GPC6: variants seen among roughly 807,000 people sequenced by gnomAD.
GPC6 encodes the protein glypican 6.
In GPC6, 14 loss-of-function variants were observed where a neutral mutation model predicts 55.2. The observed-to-expected ratio is 0.25, with a 90% CI of 0.17 to 0.40. The LOEUF (loss-of-function observed/expected upper bound fraction) is 0.40, where lower values mean the gene tolerates loss of function less well. GPC6 is among the 10% of genes least tolerant of loss of function. The probability of loss-of-function intolerance (pLI) is 1.00; values close to 1 mark genes in which losing one functional copy is unlikely to be tolerated. For missense variants in GPC6, 641 were observed against 708.5 expected (o/e 0.90, Z 1.08); for synonymous variants, 278 against 259.6 (o/e 1.07, Z -0.68).
At chr13:93,496,654 T>C (rs1347385320) in intron 1 of GPC6, among the ~76,000 whole-genome samples, 1 of 152,198 alleles carries the variant, frequency 6.6e-6, no homozygotes, top group African/African-American at 2.4e-5. Context: ...GAGGAGCATA[T>C]AGACTTTGGA....
chr13:93,262,110 A>G (rs1041561144), intron 1 of GPC6, among the ~76,000 whole-genome samples: 2 of 152,158 alleles, frequency 1.3e-5, no homozygotes, highest in African/African-American at 4.8e-5. Flanking sequence ...AGCTTTTCAC[A>G]CTTTTGGACA....
At chr13:94,357,881 C>T (rs769626610) in intron 6 of GPC6, among the ~76,000 whole-genome samples, 4 of 151,862 alleles carry the variant, frequency 2.6e-5, no homozygotes, top group Non-Finnish European at 5.9e-5. Flanking sequence ...GAAGAGAAAG[C>T]TCCTTGAAAG....
At chr13:94,382,813 G>A (rs918216858) in intron 7 of GPC6, among the ~76,000 whole-genome samples, 3 of 152,194 alleles carry the variant, frequency 2.0e-5, no homozygotes, top group African/African-American at 7.2e-5. Context: ...CAGATGCCAG[G>A]TTTCAGATAC....
At chr13:94,211,425 C>T (rs1890076097) in intron 4 of GPC6, among the ~76,000 whole-genome samples, 1 of 152,114 alleles carries the variant, frequency 6.6e-6, no homozygotes, top group African/African-American at 2.4e-5. Context: ...AAGAAAAATG[C>T]ATTTACCTTT....
chr13:93,515,457 C>T (rs1171236324), intron 1 of GPC6, among the ~76,000 whole-genome samples: 2 of 152,144 alleles, frequency 1.3e-5, no homozygotes, highest in Non-Finnish European at 2.9e-5. Flanking sequence ...GATGTCTATT[C>T]AGCAATTTCT....
chr13:93,666,439 C>A (rs1408720084), intron 2 of GPC6, among the ~76,000 whole-genome samples: 4 of 152,056 alleles, frequency 2.6e-5, no homozygotes, highest in Non-Finnish European at 5.9e-5. Context: ...GCAGTCCTGT[C>A]TGAACATCCA....
chr13:93,228,999 A>G (rs1875917934), intron 1 of GPC6, among the ~76,000 whole-genome samples: 2 of 152,232 alleles, frequency 1.3e-5, no homozygotes, highest in South Asian at 4.1e-4. Flanking sequence ...CTCATTATAT[A>G]GAAGGAGCTT....
intron 3 of GPC6, among the ~76,000 whole-genome samples, chr13:94,006,897 G>T (rs1882041674): frequency 6.6e-6 from 1 of 151,924 alleles, no homozygotes; most frequent in African/African-American, 2.4e-5. Flanking sequence ...GTCAACAGTT[G>T]GACTTATTTA....
intron 4 of GPC6, among the ~76,000 whole-genome samples, chr13:94,197,586 A>T (rs1246060043): frequency 2.6e-5 from 4 of 152,104 alleles, no homozygotes; most frequent in Non-Finnish European, 5.9e-5. Flanking sequence ...AGCTCTATTG[A>T]ATTAGGAACC....
At chr13:93,718,804 A>C (rs1362534362) in intron 2 of GPC6, among the ~76,000 whole-genome samples, 1 of 151,026 alleles carries the variant, frequency 6.6e-6, no homozygotes, top group Non-Finnish European at 1.5e-5. Flanking sequence ...GAAGGGGTCC[A>C]GTTTCAGTTT....
At chr13:93,763,867 ACT>A (rs541389670) in intron 2 of GPC6, among the ~76,000 whole-genome samples, 33 of 151,330 alleles carry the variant, frequency 2.2e-4, no homozygotes, top group East Asian at 3.9e-4. Context: ...ACCCTGCAAG[ACT>A]CTCTCCTTTA....
At chr13:94,113,940 T>G (rs1476548189) in intron 4 of GPC6, among the ~76,000 whole-genome samples, 1 of 148,936 alleles carries the variant, frequency 6.7e-6, no homozygotes, top group Non-Finnish European at 1.5e-5. Flanking sequence ...GAGAATCACT[T>G]GAACCTGGGA....
chr13:93,484,583 G>T (rs1450581795), intron 1 of GPC6, among the ~76,000 whole-genome samples: 1 of 151,798 alleles, frequency 6.6e-6, no homozygotes, highest in Non-Finnish European at 1.5e-5. Context: ...TTTTTTGCAG[G>T]TTTTATATTA....
At chr13:94,248,725 C>G (rs912759078) in intron 4 of GPC6, among the ~76,000 whole-genome samples, 1 of 151,894 alleles carries the variant, frequency 6.6e-6, no homozygotes, top group Admixed American at 6.6e-5. Context: ...ACTCAAAACC[C>G]CCAAAGTAGA....
At chr13:93,786,091 C>T (rs1885806680) in intron 2 of GPC6, among the ~76,000 whole-genome samples, 1 of 152,070 alleles carries the variant, frequency 6.6e-6, no homozygotes, top group African/African-American at 2.4e-5. Context: ...CTTAAGGCCT[C>T]CTTGGTCAGT....
intron 4 of GPC6, among the ~76,000 whole-genome samples, chr13:94,076,663 A>G (rs1884925174): frequency 6.6e-6 from 1 of 151,940 alleles, no homozygotes; most frequent in Non-Finnish European, 1.5e-5. Context: ...TATATATGGT[A>G]TAAGATACAG....
At chr13:93,935,783 ACATTT>A (rs1227743312) in intron 3 of GPC6, among the ~76,000 whole-genome samples, 2 of 152,174 alleles carry the variant, frequency 1.3e-5, no homozygotes, top group Non-Finnish European at 2.9e-5. Context: ...GAATATAAAG[ACATTT>A]CATACCCCTC....
chr13:93,540,842 T>C (rs1229383092), intron 1 of GPC6, among the ~76,000 whole-genome samples: 1 of 152,158 alleles, frequency 6.6e-6, no homozygotes, highest in Non-Finnish European at 1.5e-5. Flanking sequence ...GACCTCTTAC[T>C]TTCCTCTACC....
At chr13:94,293,103 A>ACAG (rs201926149) in intron 5 of GPC6, among the ~76,000 whole-genome samples, 2,378 of 152,246 alleles carry the variant, frequency 0.016, 31 homozygotes, top group East Asian at 0.037. Context: ...CCTTTTGAGG[A>ACAG]AAGAATCTCC....
Sources: allele counts gnomAD v4.1 joint callset (sites outside exome capture counted in the v4.1 genomes callset), GRCh38; gene constraint gnomAD v4.1.1; transcripts MANE v1.5; gene names NCBI Gene and HGNC (gene_info 2026-07-23, HGNC 2026-07-21).